MUC4: variants seen among roughly 807,000 people sequenced by gnomAD.
MUC4 encodes the protein mucin 4, cell surface associated.
MUC4 carries 202 observed loss-of-function variants against 257.9 expected under a neutral mutation model. The observed-to-expected ratio is 0.78, with a 90% confidence interval of 0.70 to 0.88. The LOEUF (loss-of-function observed/expected upper bound fraction) is 0.88. MUC4 is among the 40% of genes least tolerant of loss of function. The pLI, the probability that MUC4 is intolerant of heterozygous loss-of-function variation, is 0.00. For synonymous variants in MUC4, 2,351 were observed against 2,757.1 expected (o/e 0.85, Z 4.62); for missense variants, 5,976 against 6,513.7 (o/e 0.92, Z 2.84).
intron 6 of MUC4, 123 bp from the exon 7 acceptor site, chr3:195,769,275 C>T: frequency 1.3e-5 from 18 of 1,408,350 alleles, no homozygotes; most frequent in Non-Finnish European, 1.7e-5. Flanking sequence ...CTGGTCTGCC[C>T]ACAGCAAAGA....
In MUC4 at chr3:195,780,296, G is replaced by C; in HGVS notation, c.11284C>G (p.Leu3762Val). ...GACACTGAGGAAGCGTCGGTGACAA[G>C]AAGAGGGGTGGCGTGACCTGTGGAT... ...SASTGHATPL[L>V]VTDASSVSTG... Residue 3762 changes from leucine (L) to valine (V), a missense_variant, in exon 2 of 25, where the codon CTT (leucine) becomes GTT (valine). Physicochemically the swap from Leu to Val is conservative, Grantham distance 32 (BLOSUM62 1). Transcript: ENST00000463781. 2.0e-6 allele frequency: 3 copies of C among 1,520,550 alleles called. No homozygotes were observed. Among genetic ancestry groups the C allele is most frequent in the East Asian group, 2.5e-5 (1 of 40,754 alleles). The allele number at this position is 1,520,550 out of a possible 1,614,324, so 94.2% of individuals were successfully genotyped here.
chr3:195,778,490 T>C (rs1578181519), intron 2 of MUC4, 35 bp from the exon 3 acceptor site: 1 of 1,604,456 alleles, frequency 6.2e-7, no homozygotes, highest in Admixed American at 1.8e-5. Context: ...GGGTGTTTCT[T>C]ACAGTAACAA....
intron 1 of MUC4, among the ~76,000 whole-genome samples, chr3:195,794,088 AAAT>A (rs796835678): frequency 7.8e-5 from 6 of 76,990 alleles, no homozygotes; most frequent in East Asian, 2.3e-4. Flanking sequence ...TAAAAAATAA[AAAT>A]AATAATAATA....
In MUC4 at chr3:195,788,698, C is replaced by A. The variant is rs368945701; in HGVS notation, c.2882G>T (p.Gly961Val). The A allele has an allele frequency of 6.2e-7, 1 of 1,607,726 alleles. No homozygotes were observed. The highest frequency in any genetic ancestry group is 1.4e-5 in the African/African-American group (1 of 69,798). Residue 961 changes from glycine (G) to valine (V), a missense_variant, in exon 2 of 25, where the codon GGG (glycine) becomes GTG (valine). Around this residue, in one of 44 missense-constraint regions of MUC4, gnomAD observed 1,583 missense variants for 1,257.4 expected, o/e 1.26. Transcript: ENST00000463781. ...QTETHTLSPS[G>V]SGKTFTTALI... ...GGCCGTGGTGAAGGTTTTACCAGAC[C>A]CTGAAGGTGACAGAGTGTGGGTCTC...
At chr3:195,764,529 C>T (rs1256196750) in intron 10 of MUC4, among the ~76,000 whole-genome samples, 3 of 152,184 alleles carry the variant, frequency 2.0e-5, no homozygotes, top group South Asian at 4.2e-4. Context: ...CTGCTCTCAA[C>T]GTGCTGGGAG....
intron 3 of MUC4, among the ~76,000 whole-genome samples, chr3:195,776,383 A>G (rs1316287724): frequency 7.4e-5 from 6 of 81,154 alleles, no homozygotes; most frequent in Non-Finnish European, 9.6e-5. Context: ...TACCTTCCAC[A>G]CCCATACCTT....
chr3:195,752,290 G>T, intron 21 of MUC4, 83 bp downstream of exon 21: 1 of 1,265,028 alleles, frequency 7.9e-7, no homozygotes, highest in Non-Finnish European at 1.2e-6. Flanking sequence ...ATGACAAGAT[G>T]AAGGCCGCAC....
intron 1 of MUC4, among the ~76,000 whole-genome samples, chr3:195,796,287 C>T (rs1465455862): frequency 1.3e-5 from 2 of 151,758 alleles, no homozygotes; most frequent in African/African-American, 4.8e-5. Context: ...TTCACCATGT[C>T]GTCCTGGCTG....
Position 195,778,403 on chromosome 3 carries a change from T to G in MUC4, c.12843A>C (p.Ser4281=). The G allele has an allele frequency of 6.2e-7, 1 of 1,612,748 alleles. No individual in the cohort carries two copies. The highest frequency in any genetic ancestry group is 8.5e-7 in the Non-Finnish European group (1 of 1,179,816). ...TGGTCTGGGAGGTTGTGGGGGGTGG[T>G]GATGTGGCTGTGCGTCTCCCACCGT... ...KTDGGRRTAT[S]PPPTTSQTII... Residue 4281 remains serine, a synonymous_variant, in exon 3 of 25, where the codon TCA becomes TCC. Coordinates refer to ENST00000463781, the MANE Select transcript of MUC4 (RefSeq NM_018406.7).
Position 195,752,453 on chromosome 3 carries a change from A to G in MUC4, c.15509-7T>C. On this transcript the variant is annotated splice_region_variant and splice_polypyrimidine_tract_variant and intron_variant, in intron 20 of 24. Transcript: ENST00000463781. ...ATGACTCTTAAGGGAAGTTCTGGAGATGGGAGAAGCAAATGTATCATCACC... is the reference window on the plus strand; with the variant it reads ...ATGACTCTTAAGGGAAGTTCTGGAGGTGGGAGAAGCAAATGTATCATCACC... 6.2e-7 allele frequency: 1 copy of G among 1,612,290 alleles called. No individual in the cohort carries two copies. Among genetic ancestry groups the G allele is most frequent in the Non-Finnish European group, 8.5e-7 (1 of 1,178,262 alleles).
At chr3:195,766,847 T>A in intron 7 of MUC4, 96 bp from the exon 8 acceptor site, 1 of 1,125,698 alleles carries the variant, frequency 8.9e-7, no homozygotes, top group Non-Finnish European at 1.3e-6. Context: ...GGTCAGCAGC[T>A]GGTCAACCAG....
Position 195,788,628 on chromosome 3 carries a change from C to G in MUC4, c.2952G>C (p.Ser984=), listed in dbSNP as rs201892104. Residue 984 remains serine (S), a synonymous_variant, in exon 2 of 25, where the codon TCG becomes TCC. Transcript: ENST00000463781. The stretch of plus-strand genomic sequence containing the variant: ...GAGGGGTGGTGTGACCTGTGGATGC[C>G]GAGGAAGCGTAGGTGACAGGAAGAG... ...ATPLPVTYAS[S]ASTGHTTPLH... The G allele has an allele frequency of 1.1e-4, 116 of 1,103,764 alleles. No homozygotes were observed. Among genetic ancestry groups the G allele is most frequent in the Admixed American group, 1.5e-4 (6 of 39,188 alleles). 68.4% of individuals were successfully genotyped at this position (1,103,764 alleles called of 1,614,324 possible). A position where few individuals can be genotyped will look rare whatever the true frequency, so the allele number is the denominator to read the frequency against.
Position 195,786,222 on chromosome 3 carries a change from G to T in MUC4, c.5358C>A (p.Ser1786=), listed in dbSNP as rs548995473. Residue 1786 remains serine (S), a synonymous_variant, in exon 2 of 25, where the codon TCC becomes TCA. Transcript: ENST00000463781. The stretch of plus-strand genomic sequence containing the variant: ...CAGGAAGACGGGTGGTGTCATCTGT[G>T]GAAGCTGAAGAAAGGCCGGTGACAG... ...PLPVTGLSSA[S]TDDTTRLPVT... 2.0e-6 allele frequency: 3 copies of T among 1,478,186 alleles called. No homozygotes were observed. Among genetic ancestry groups the T allele is most frequent in the Non-Finnish European group, 1.8e-6 (2 of 1,098,040 alleles). 91.6% of individuals were successfully genotyped at this position (1,478,186 alleles called of 1,614,324 possible).
At chr3:195,763,305 G>A in intron 12 of MUC4, 128 bp downstream of exon 12, 2 of 936,028 alleles carry the variant, frequency 2.1e-6, no homozygotes, top group Non-Finnish European at 3.0e-6. Context: ...CTGCGTGGAT[G>A]GGCTGTGTCC....
intron 16 of MUC4, 123 bp downstream of exon 16, chr3:195,760,761 T>A: frequency 1.3e-6 from 1 of 799,332 alleles, no homozygotes; most frequent in Non-Finnish European, 2.1e-6. Flanking sequence ...AGCAGAGGAA[T>A]GCCAGGAGTG....
At chr3:195,762,403 G>A in intron 13 of MUC4, 149 bp from the exon 14 acceptor site, 8 of 881,828 alleles carry the variant, frequency 9.1e-6, no homozygotes, top group Non-Finnish European at 1.4e-5. Flanking sequence ...AGAGGCCGGC[G>A]AGCTGCACGC....
intron 3 of MUC4, among the ~76,000 whole-genome samples, chr3:195,774,536 A>G (rs1723901418): frequency 6.6e-6 from 1 of 152,160 alleles, no homozygotes; most frequent in Non-Finnish European, 1.5e-5. Context: ...CTTGGAGAAA[A>G]ACAGGTCCTG....
intron 1 of MUC4, among the ~76,000 whole-genome samples, chr3:195,809,443 T>C (rs1226540680): frequency 6.6e-6 from 1 of 152,096 alleles, no homozygotes; most frequent in Non-Finnish European, 1.5e-5. Flanking sequence ...CCACCCGCCC[T>C]TGGTGACTGC....
chr3:195,749,666 T>C (rs1192568632), intron 23 of MUC4, among the ~76,000 whole-genome samples: 3 of 152,222 alleles, frequency 2.0e-5, no homozygotes, highest in African/African-American at 7.2e-5. Context: ...TCATAATATG[T>C]CAAATGGGAA....
Sources: gnomAD v4.1 joint callset for allele counts (sites outside exome capture counted in the v4.1 genomes callset) on GRCh38, gnomAD v4.1.1 for gene constraint, gnomAD v4.1.1 regional missense constraint, MANE v1.5 for transcripts, NCBI Gene and HGNC (gene_info 2026-07-23, HGNC 2026-07-21) for gene names.